DPP6: variants seen among roughly 807,000 people sequenced by gnomAD.
DPP6 encodes the protein dipeptidyl peptidase like 6.
In DPP6, 69 loss-of-function variants were observed where a neutral mutation model predicts 122.6. The observed-to-expected ratio is 0.56, with a 90% CI of 0.46 to 0.69. The LOEUF is 0.69. DPP6 is among the 30% of genes least tolerant of loss of function. The pLI is 0.00. For missense variants in DPP6, 928 were observed against 1,116.9 expected (o/e 0.83, Z 2.41); for synonymous variants, 418 against 433.1 (o/e 0.97, Z 0.43).
At chr7:154,576,717 A>G (rs1831702665) in intron 5 of DPP6, among the ~76,000 whole-genome samples, 1 of 152,120 alleles carries the variant, frequency 6.6e-6, no homozygotes, top group Non-Finnish European at 1.5e-5. Flanking sequence ...GGGAAATACC[A>G]GGCTCTTGGG....
At chr7:154,781,765 C>G (rs1433536382) in intron 10 of DPP6, among the ~76,000 whole-genome samples, 11 of 152,084 alleles carry the variant, frequency 7.2e-5, no homozygotes, top group Non-Finnish European at 1.6e-4. Context: ...AAAAAAATAC[C>G]AGAGTTAACT....
At chr7:154,268,411 A>T (rs1259487120) in intron 1 of DPP6, among the ~76,000 whole-genome samples, 1 of 152,190 alleles carries the variant, frequency 6.6e-6, no homozygotes, top group Non-Finnish European at 1.5e-5. Context: ...TTCCTCATTG[A>T]CAGTCATCTT....
At chr7:153,771,766 T>G in the DPP6 span, among the ~76,000 whole-genome samples, 1 of 152,146 alleles carries the variant, frequency 6.6e-6, no homozygotes, top group African/African-American at 2.4e-5. Flanking sequence ...TGAGAAAATG[T>G]ATTGCCAATA....
intron 1 of DPP6, among the ~76,000 whole-genome samples, chr7:154,308,508 C>G (rs1301658249): frequency 6.6e-6 from 1 of 152,112 alleles, no homozygotes; most frequent in East Asian, 1.9e-4. Context: ...ATACTTTAAT[C>G]TGCATGAACT....
At chr7:154,756,566 G>A (rs1041587265) in intron 8 of DPP6, among the ~76,000 whole-genome samples, 4 of 152,084 alleles carry the variant, frequency 2.6e-5, no homozygotes, top group Admixed American at 2.6e-4. Context: ...CAGCTGGTAG[G>A]GGGCAGGGCC....
chr7:154,230,653 G>T (rs773167008), intron 1 of DPP6, among the ~76,000 whole-genome samples: 5 of 152,216 alleles, frequency 3.3e-5, no homozygotes, highest in Non-Finnish European at 7.3e-5. Flanking sequence ...CCCAAAAGCT[G>T]TCTGAGCCTC....
chr7:153,834,935 C>T, the DPP6 span, among the ~76,000 whole-genome samples: 2 of 152,168 alleles, frequency 1.3e-5, no homozygotes, highest in Admixed American at 6.5e-5. Context: ...ATCTCAGCAA[C>T]TCAATACAGT....
intron 10 of DPP6, 84 bp downstream of exon 10, chr7:154,773,026 T>A: frequency 7.2e-7 from 1 of 1,387,054 alleles, no homozygotes. Flanking sequence ...TGGATCAGAT[T>A]TATCTTACAA....
the DPP6 span, among the ~76,000 whole-genome samples, chr7:153,826,544 C>T: frequency 1.3e-5 from 2 of 152,188 alleles, no homozygotes; most frequent in African/African-American, 4.8e-5. Context: ...CATACATATT[C>T]TGAAAAACTG....
intron 16 of DPP6, among the ~76,000 whole-genome samples, chr7:154,834,005 G>A (rs1800833872): frequency 6.6e-6 from 1 of 152,084 alleles, no homozygotes; most frequent in Non-Finnish European, 1.5e-5. Context: ...ACTGCCCAGT[G>A]AGGTCATCAG....
chr7:153,881,685 G>A, the DPP6 span, among the ~76,000 whole-genome samples: 1 of 152,068 alleles, frequency 6.6e-6, no homozygotes, highest in South Asian at 2.1e-4. Context: ...CTCACTGCTG[G>A]TCTCCACATG....
intron 1 of DPP6, chr7:153,887,741 G>A (rs755955933): frequency 1.2e-6 from 2 of 1,613,076 alleles, no homozygotes; most frequent in African/African-American, 2.7e-5. Context: ...GATGGTGAGT[G>A]CCACGGACAG....
At chr7:153,910,043 T>C (rs1453362588) in intron 1 of DPP6, among the ~76,000 whole-genome samples, 2 of 152,102 alleles carry the variant, frequency 1.3e-5, no homozygotes, top group African/African-American at 4.8e-5. Flanking sequence ...CGGATGTCTC[T>C]GGGTTTCGAG....
intron 1 of DPP6, among the ~76,000 whole-genome samples, chr7:154,224,007 A>T (rs1800452229): frequency 6.8e-6 from 1 of 146,318 alleles, no homozygotes; most frequent in Non-Finnish European, 1.5e-5. Flanking sequence ...ACACAGCCTG[A>T]CTGTTCCTAG....
chr7:154,317,159 C>T (rs1807505526), intron 1 of DPP6, among the ~76,000 whole-genome samples: 1 of 152,158 alleles, frequency 6.6e-6, no homozygotes, highest in Non-Finnish European at 1.5e-5. Context: ...GTTTGCTGCA[C>T]TGAATAAAGT....
intron 1 of DPP6, among the ~76,000 whole-genome samples, chr7:154,278,262 A>G (rs1303589328): frequency 6.6e-6 from 1 of 152,192 alleles, no homozygotes; most frequent in Non-Finnish European, 1.5e-5. Flanking sequence ...CCAACTTGCT[A>G]AGTCAAAAAA....
At chr7:154,031,830 A>G (rs1288886526) in intron 1 of DPP6, among the ~76,000 whole-genome samples, 3 of 150,878 alleles carry the variant, frequency 2.0e-5, no homozygotes, top group Non-Finnish European at 4.4e-5. Context: ...TCCTTGCTAA[A>G]CAGGAGTCTC....
intron 1 of DPP6, chr7:154,055,684 G>C (rs191913690): frequency 6.6e-6 from 1 of 152,198 alleles, no homozygotes; most frequent in African/African-American, 2.4e-5. Context: ...TGGGAGCGCC[G>C]CTACTTCGGT....
the DPP6 span, among the ~76,000 whole-genome samples, chr7:153,860,790 T>G: frequency 6.6e-6 from 1 of 152,212 alleles, no homozygotes; most frequent in Non-Finnish European, 1.5e-5. Flanking sequence ...TCAAAACTAT[T>G]TATAGCATAC....
Sources: allele counts gnomAD v4.1 joint callset (sites outside exome capture counted in the v4.1 genomes callset), GRCh38; gene constraint gnomAD v4.1.1; transcripts MANE v1.5; gene names NCBI Gene and HGNC (gene_info 2026-07-23, HGNC 2026-07-21).